Variants in DTNB observed in about 807,000 individuals in gnomAD.
The protein encoded by DTNB is dystrobrevin beta, also known as DTN-B.
Under a neutral mutation model 90.7 loss-of-function variants are expected in DTNB, and 63 were observed. The observed-to-expected ratio is 0.69, with a 90% CI of 0.57 to 0.86. The LOEUF (loss-of-function observed/expected upper bound fraction) is 0.86. Among genes scored for constraint, DTNB ranks in the 40% least tolerant of loss-of-function variants. The probability of loss-of-function intolerance (pLI) is 0.00; values close to 1 mark genes in which losing one functional copy is unlikely to be tolerated. For missense variants in DTNB, 744 were observed against 807.1 expected (o/e 0.92, Z 0.95); for synonymous variants, 277 against 286.7 (o/e 0.97, Z 0.34).
intron 3 of DTNB, 111 bp downstream of exon 3, chr2:25,638,903 T>G: frequency 8.9e-7 from 1 of 1,121,668 alleles, no homozygotes; most frequent in Non-Finnish European, 1.2e-6. Context: ...AATAAATACT[T>G]AAGACAAAAA....
chr2:25,433,954 G>T lies in DTNB; in HGVS notation c.1299C>A (p.Asn433Lys), dbSNP rs760212253. 1 of 1,613,632 alleles carries T rather than the reference G, an allele frequency of 6.2e-7. No homozygotes were observed. The highest frequency in any genetic ancestry group is 2.2e-5 in the East Asian group (1 of 44,864). ...CTGCAATAAGCTGTCTTTGTTGTTT[G>T]TTGGCATCAAAGTTAAAGCTCAAGT... ...PTDLSFNFDA[N>K]KQQRQLIAEL... Residue 433 changes from asparagine to lysine, a missense_variant, in exon 13 of 21, where the codon AAC becomes AAA. Physicochemically the swap from Asn to Lys is moderately conservative, Grantham distance 94. Coordinates refer to ENST00000406818, the MANE Select transcript of DTNB (RefSeq NM_021907.5).
chr2:25,503,363 G>A (rs1379634578), intron 9 of DTNB, among the ~76,000 whole-genome samples: 1 of 151,944 alleles, frequency 6.6e-6, no homozygotes, highest in East Asian at 1.9e-4. Context: ...GTGTGGTAGT[G>A]CGTGCCTGTG....
Position 25,596,139 on chromosome 2 carries a change from C to T in DTNB, c.550G>A (p.Gly184Arg). ...VLKLPTAVFEGPSFGYTEHSV... is the reference protein window; with the variant it reads ...VLKLPTAVFERPSFGYTEHSV... ...TGCTCTGTGTAACCAAAAGATGGCC[C>T]TTCAAAGACAGCTGTTGGGAGCTTC... Residue 184 changes from glycine (G) to arginine (R), a missense_variant, in exon 6 of 21, where the codon GGG becomes AGG. Transcript: ENST00000406818. 6.2e-7 allele frequency: 1 copy of T among 1,613,306 alleles called. No homozygotes were observed. The highest frequency in any genetic ancestry group is 8.5e-7 in the Non-Finnish European group (1 of 1,179,598).
In DTNB at chr2:25,531,645, A is replaced by G. The variant is rs370937125; in HGVS notation, c.877-48T>C. 4 of 1,565,580 alleles carry G rather than the reference A, an allele frequency of 2.6e-6. No individual in the cohort carries two copies. The African/African-American group carries it at 4.2e-5, about 16-fold the overall frequency. ...AAGGAATTAACCCTTCAAAAGAATG[A>G]AAGGAACTTCAAAAAAGAAAAAAAC... On this transcript the variant is annotated intron_variant, in intron 8 of 20. Coordinates refer to ENST00000406818, the MANE Select transcript of DTNB (RefSeq NM_021907.5).
chr2:25,460,370 G>A (rs1162077947), intron 10 of DTNB, among the ~76,000 whole-genome samples: 2 of 152,084 alleles, frequency 1.3e-5, no homozygotes, highest in Non-Finnish European at 2.9e-5. Context: ...AAGGGCTCAG[G>A]GAAAAGCTGT....
intron 1 of DTNB, among the ~76,000 whole-genome samples, chr2:25,659,500 T>C (rs1484849919): frequency 2.0e-5 from 3 of 151,952 alleles, no homozygotes; most frequent in Admixed American, 2.0e-4. Flanking sequence ...GATAAACCTC[T>C]AGCAAAACAG....
chr2:25,518,210 T>A (rs596646), intron 9 of DTNB, among the ~76,000 whole-genome samples: 1 of 75,062 alleles, frequency 1.3e-5, no homozygotes, highest in African/African-American at 9.3e-5. Context: ...TATTTTTTTA[T>A]CCACAATAAA....
chr2:25,622,146 T>G (rs922416708), intron 4 of DTNB, among the ~76,000 whole-genome samples: 2 of 152,032 alleles, frequency 1.3e-5, no homozygotes, highest in Non-Finnish European at 2.9e-5. Flanking sequence ...ATGAAATATA[T>G]CAGAGGAAAA....
intron 10 of DTNB, among the ~76,000 whole-genome samples, chr2:25,459,546 C>T (rs1016906977): frequency 1.3e-5 from 2 of 151,998 alleles, no homozygotes; most frequent in Admixed American, 6.5e-5. Flanking sequence ...CAGGCTGGAG[C>T]GCAGTGGCGT....
chr2:25,536,522 CGAA>C (rs1042775733), intron 8 of DTNB, among the ~76,000 whole-genome samples: 1 of 152,124 alleles, frequency 6.6e-6, no homozygotes, highest in African/African-American at 2.4e-5. Context: ...GTCAACACGG[CGAA>C]ACCCCGTCTC....
chr2:25,412,503 A>G (rs2046857417), intron 16 of DTNB, among the ~76,000 whole-genome samples: 1 of 152,218 alleles, frequency 6.6e-6, no homozygotes, highest in African/African-American at 2.4e-5. Context: ...ACCCTGAAGG[A>G]GCTTCCTATC....
chr2:25,488,994 AG>A (rs928891411), intron 9 of DTNB, among the ~76,000 whole-genome samples: 1 of 152,072 alleles, frequency 6.6e-6, no homozygotes, highest in African/African-American at 2.4e-5. Context: ...GGGGTAGGAG[AG>A]GTTTGGGGAC....
rs2040136770 is a variant in DTNB at position 25,388,376 on chromosome 2, AC to A, written c.1576-16del. On this transcript the variant is annotated splice_polypyrimidine_tract_variant and intron_variant, in intron 16 of 20. Transcript: ENST00000406818. ...GTGGCCTGAGCCTGGAGATTCAAAG[AC>A]AGAAAATACGTTATCTCAAGTACCT... 1 of 1,589,084 alleles carries A rather than the reference AC, an allele frequency of 6.3e-7. No homozygotes were observed. The highest frequency in any genetic ancestry group is 1.1e-5 in the South Asian group (1 of 88,520).
chr2:25,577,124 T>C, intron 7 of DTNB, 120 bp from the exon 8 acceptor site: 1 of 1,148,960 alleles, frequency 8.7e-7, no homozygotes, highest in Non-Finnish European at 1.2e-6. Flanking sequence ...CCAAAACTAA[T>C]ATAAAAACAA....
intron 10 of DTNB, among the ~76,000 whole-genome samples, chr2:25,475,055 C>T (rs569581107): frequency 6.6e-6 from 1 of 152,250 alleles, no homozygotes; most frequent in African/African-American, 2.4e-5. Flanking sequence ...CAGTTCATAA[C>T]CCTATTATGA....
At chr2:25,408,242 G>C (rs867116942) in intron 16 of DTNB, among the ~76,000 whole-genome samples, 1 of 152,084 alleles carries the variant, frequency 6.6e-6, no homozygotes, top group Non-Finnish European at 1.5e-5. Flanking sequence ...CTGGGAGGTG[G>C]AGGCTGCGGT....
intron 16 of DTNB, among the ~76,000 whole-genome samples, chr2:25,404,156 C>T (rs1311282050): frequency 2.0e-5 from 3 of 152,166 alleles, no homozygotes; most frequent in East Asian, 1.9e-4. Flanking sequence ...GGGGGCTATG[C>T]AGCTGAGGCA....
At chr2:25,425,691 T>C (rs1219938394) in intron 15 of DTNB, among the ~76,000 whole-genome samples, 6 of 152,240 alleles carry the variant, frequency 3.9e-5, no homozygotes, top group Non-Finnish European at 1.5e-5. Context: ...TTTGTGATTT[T>C]CTCTGGCTGT....
At chr2:25,571,005 C>T (rs925542511) in intron 8 of DTNB, among the ~76,000 whole-genome samples, 3 of 152,192 alleles carry the variant, frequency 2.0e-5, no homozygotes, top group African/African-American at 4.8e-5. Context: ...CCGGAACAAA[C>T]GGTGAATCAA....
Sources: allele counts gnomAD v4.1 joint callset (sites outside exome capture counted in the v4.1 genomes callset), GRCh38; gene constraint gnomAD v4.1.1; transcripts MANE v1.5; gene names NCBI Gene and HGNC (gene_info 2026-07-23, HGNC 2026-07-21).